CNTRL: variants seen among roughly 807,000 people sequenced by gnomAD.
CNTRL encodes the protein centriolin.
Under a neutral mutation model 303.7 loss-of-function variants are expected in CNTRL, and 233 were observed. The observed-to-expected ratio is 0.77, with a 90% confidence interval of 0.69 to 0.86. The LOEUF is 0.86. Among genes scored for constraint, CNTRL ranks in the 40% least tolerant of loss-of-function variants. The pLI is 0.00. For synonymous variants in CNTRL, 900 were observed against 922.2 expected (o/e 0.98, Z 0.44); for missense variants, 2,524 against 2,650.6 (o/e 0.95, Z 1.05).
chr9:121,136,841 G>T (rs749361429), intron 15 of CNTRL, among the ~76,000 whole-genome samples: 24 of 152,188 alleles, frequency 1.6e-4, no homozygotes, highest in Non-Finnish European at 2.8e-4. Flanking sequence ...AGTCCAGCAA[G>T]TGAAACAGGT....
chr9:121,090,347 T>TG lies in CNTRL; in HGVS notation c.292dup (p.Ala98GlyfsTer12). 6.2e-7 allele frequency: 1 copy of TG among 1,613,094 alleles called. No homozygotes were observed. The highest frequency in any genetic ancestry group is 8.5e-7 in the Non-Finnish European group (1 of 1,179,478). ...AAAAAACTTACTAAACAGGATAATTTGGCTTTGATAAAATCTCTGAACCTT... is the reference window on the plus strand; with the variant it reads ...AAAAAACTTACTAAACAGGATAATTTGGGCTTTGATAAAATCTCTGAACCTT... On this transcript the variant is annotated frameshift_variant, in exon 4 of 44. Transcript: ENST00000373855. LOFTEE classifies it high-confidence loss of function.
chr9:121,132,357 T>C (rs2050914501), intron 14 of CNTRL, among the ~76,000 whole-genome samples: 1 of 152,196 alleles, frequency 6.6e-6, no homozygotes, highest in Non-Finnish European at 1.5e-5. Flanking sequence ...TCTAAACTTC[T>C]CTTCTTGCTT....
At chr9:121,162,405 A>T in intron 34 of CNTRL, 134 bp downstream of exon 34, 1 of 735,526 alleles carries the variant, frequency 1.4e-6, no homozygotes, top group Non-Finnish European at 2.3e-6. Context: ...ACATTTTGCC[A>T]GTTGCATTTT....
Position 121,160,136 on chromosome 9 carries a change from AAC to A in CNTRL, c.4930-3_4930-2del. The A allele has an allele frequency of 6.9e-7, 1 of 1,457,264 alleles. No individual in the cohort carries two copies. Among genetic ancestry groups the A allele is most frequent in the Non-Finnish European group, 9.0e-7 (1 of 1,106,380 alleles). 90.3% of individuals were successfully genotyped at this position (1,457,264 alleles called of 1,614,324 possible). ...GGAGGGAATAACTTTTTTTTTTTCA[AAC>A]ACAGGAAGTAAAATCTCTTCTGGAA... On this transcript the variant is annotated splice_polypyrimidine_tract_variant and splice_region_variant and intron_variant, in intron 31 of 43. Transcript: ENST00000373855.
At chr9:121,103,379 A>T (rs1220532483) in intron 7 of CNTRL, among the ~76,000 whole-genome samples, 1 of 152,212 alleles carries the variant, frequency 6.6e-6, no homozygotes, top group Non-Finnish European at 1.5e-5. Context: ...TCTTCCTTAC[A>T]CCTTATACAA....
At chr9:121,177,043 A>AT in intron 43 of CNTRL, 120 bp from the exon 44 acceptor site, 3 of 762,838 alleles carry the variant, frequency 3.9e-6, no homozygotes, top group Non-Finnish European at 6.6e-6. Flanking sequence ...ATCTTAAAAC[A>AT]TTTTTCCAAA....
intron 26 of CNTRL, 30 bp downstream of exon 26, chr9:121,152,723 A>G: frequency 6.8e-6 from 10 of 1,476,724 alleles, no homozygotes; most frequent in Non-Finnish European, 9.4e-6. Context: ...TAATTCAGAC[A>G]AATACGATAT....
chr9:121,152,774 G>T (rs1049941888), intron 26 of CNTRL, 81 bp downstream of exon 26: 16 of 1,112,868 alleles, frequency 1.4e-5, no homozygotes, highest in Non-Finnish European at 1.9e-5. Flanking sequence ...CTATAATCTT[G>T]GAATGTTCTT....
Position 121,098,587 on chromosome 9 carries a change from A to G in CNTRL, c.808+15A>G, listed in dbSNP as rs1257205003. ...ATTCAGTTTAGGTAAGATTAAATTT[A>G]AAAAATAATAAATTTGGGTGAGGGA... On this transcript the variant is annotated intron_variant, in intron 7 of 43. Transcript: ENST00000373855. 2 of 1,512,522 alleles carry G rather than the reference A, an allele frequency of 1.3e-6. No individual in the cohort carries two copies. The allele number at this position is 1,512,522 out of a possible 1,614,324, so 93.7% of individuals were successfully genotyped here.
intron 12 of CNTRL, among the ~76,000 whole-genome samples, chr9:121,122,793 G>A (rs1467605527): frequency 1.3e-5 from 2 of 152,144 alleles, no homozygotes; most frequent in African/African-American, 4.8e-5. Context: ...ATTCTTTTCA[G>A]TTAACAGTAG....
At chr9:121,082,323 A>G (rs1323220185) in intron 2 of CNTRL, among the ~76,000 whole-genome samples, 1 of 152,184 alleles carries the variant, frequency 6.6e-6, no homozygotes. Context: ...CTCAGCTGCT[A>G]TGATTGGCTG....
chr9:121,127,888 T>TG (rs199801556), intron 14 of CNTRL, among the ~76,000 whole-genome samples: 18,004 of 147,704 alleles, frequency 0.12, 1,243 homozygotes, highest in East Asian at 0.18. Context: ...AGTGAGAACA[T>TG]GCGGTGTTTG....
intron 39 of CNTRL, 75 bp downstream of exon 39, chr9:121,169,891 A>C (rs1180840198): frequency 2.5e-6 from 3 of 1,197,664 alleles, no homozygotes; most frequent in Non-Finnish European, 3.6e-6. Context: ...CCACTTCAAC[A>C]CAGAGAAAAT....
At position 121,113,538 on chromosome 9, in the gene CNTRL, T is replaced by G. The variant is rs778715834; in HGVS notation, c.1159T>G (p.Tyr387Asp). The G allele has an allele frequency of 6.2e-7, 1 of 1,603,430 alleles. No homozygotes were observed. The highest frequency in any genetic ancestry group is 8.5e-7 in the Non-Finnish European group (1 of 1,177,106). Residue 387 changes from tyrosine to aspartate, a missense_variant, in exon 10 of 44, where the codon TAC becomes GAC. Physicochemically the swap from Tyr to Asp is radical, Grantham distance 160. Transcript: ENST00000373855. ...EIDKAPDESP[Y>D]IGKSRYKRNM... is the part of the protein sequence containing the mutation. ...TGATAAAGCCCCAGATGAAAGCCCT[T>G]ACATTGGCAAATCCAGATACAAGAG...
At position 121,107,536 on chromosome 9, in the gene CNTRL, AAAG is replaced by A. The variant is rs561863359; in HGVS notation, c.809-263_809-261del. Among the ~76,000 whole-genome samples, 385 of 152,328 alleles carry A rather than the reference AAAG, an allele frequency of 2.5e-3. 1 individual carries two copies. Among genetic ancestry groups the A allele is most frequent in the African/African-American group, 8.7e-3 (361 of 41,584 alleles). ...GCATGTTTTTCAAAGGTCACCTAGA[AAAG>A]AACTCATTTATCAGCACACTAATTG... On this transcript the variant is annotated intron_variant, in intron 7 of 43. Transcript: ENST00000373855.
chr9:121,157,733 G>A lies in CNTRL; in HGVS notation c.4497-7G>A, dbSNP rs765866636. On this transcript the variant is annotated splice_polypyrimidine_tract_variant and splice_region_variant and intron_variant, in intron 28 of 43. Coordinates refer to ENST00000373855, the MANE Select transcript of CNTRL (RefSeq NM_007018.6). ...GGACCTGGGGGGAATAAAGCAATGT[G>A]CTTTAGATCGCTCCAGGCTGATGCA... is the stretch of plus-strand genomic sequence containing the variant. 11 of 1,613,716 alleles carry A rather than the reference G, an allele frequency of 6.8e-6. No individual in the cohort carries two copies. Among genetic ancestry groups the A allele is most frequent in the Middle Eastern group, 1.7e-4 (1 of 6,058 alleles).
At chr9:121,118,319 T>TTATATAATTATAAAATAATAATTA (rs2050074921) in intron 11 of CNTRL, 27 bp from the exon 12 acceptor site, 1 of 1,473,980 alleles carries the variant, frequency 6.8e-7, no homozygotes, top group Non-Finnish European at 9.1e-7. Flanking sequence ...TCTCTGTTAA[T>TTATATAATTATAAAATAATAATTA]TATATATTGG....
At chr9:121,146,010 CTG>C in intron 22 of CNTRL, 96 bp from the exon 23 acceptor site, 1 of 1,091,752 alleles carries the variant, frequency 9.2e-7, no homozygotes, top group Non-Finnish European at 1.3e-6. Flanking sequence ...CTTTGAGGAA[CTG>C]ATAAAATTAA....
At chr9:121,174,399 A>G (rs1304132714) in intron 42 of CNTRL, among the ~76,000 whole-genome samples, 1 of 152,236 alleles carries the variant, frequency 6.6e-6, no homozygotes, top group Admixed American at 6.5e-5. Flanking sequence ...TTAATAAATT[A>G]TAATTAAGTT....
Sources: allele counts gnomAD v4.1 joint callset (sites outside exome capture counted in the v4.1 genomes callset), GRCh38; gene constraint gnomAD v4.1.1; transcripts MANE v1.5; gene names NCBI Gene and HGNC (gene_info 2026-07-23, HGNC 2026-07-21).